CMKLR1: variants seen among roughly 807,000 people sequenced by gnomAD.
CMKLR1 encodes chemerin chemokine-like receptor 1.
In CMKLR1, 6 loss-of-function variants were observed where a neutral mutation model predicts 8.2. That is an observed-to-expected ratio of 0.73 (90% CI 0.40 to 1.44). CMKLR1 has a LOEUF of 1.44. CMKLR1 is among the 40% of genes most tolerant of loss of function. The pLI, the probability that CMKLR1 is intolerant of heterozygous loss-of-function variation, is 0.02. For missense variants in CMKLR1, 429 were observed against 478.0 expected, an observed-to-expected ratio of 0.90 and a Z score of 0.96; for synonymous variants, 178 against 181.2, an observed-to-expected ratio of 0.98 and a Z score of 0.14.
chr12:108,319,419 A>G (rs1005183570), intron 2 of CMKLR1, among the ~76,000 whole-genome samples: 2 of 152,186 alleles, frequency 1.3e-5, no homozygotes, highest in African/African-American at 4.8e-5. Context: ...GCCATGTTCA[A>G]TGTGTGATGG....
rs547983154 is a variant in CMKLR1 at position 108,304,723 on chromosome 12, G to T, written c.-73-11059C>A. ...TCTCCACCTCCTGCACACCGGTCAC[G>T]GGTCAGCCCTCCCCCTCTGACAGGC... On this transcript the variant is annotated intron_variant, in intron 2 of 3. Coordinates refer to ENST00000550402, the MANE Select transcript of CMKLR1 (RefSeq NM_001142343.2). Among the ~76,000 whole-genome samples, 3 of 152,200 alleles carry T rather than the reference G, an allele frequency of 2.0e-5. No individual in the cohort carries two copies. In the Middle Eastern group the frequency reaches 0.01, roughly 518 times the overall value.
intron 1 of CMKLR1, among the ~76,000 whole-genome samples, chr12:108,332,089 T>G (rs762145380): frequency 8.5e-5 from 13 of 152,144 alleles, no homozygotes; most frequent in Non-Finnish European, 1.2e-4. Context: ...GGCATTTGAG[T>G]GTCCCCTGCC....
chr12:108,307,713 G>A (rs1032376815), intron 2 of CMKLR1, among the ~76,000 whole-genome samples: 11 of 152,198 alleles, frequency 7.2e-5, no homozygotes, highest in Admixed American at 2.6e-4. Context: ...TCTGCAAAGC[G>A]TGTTTCACTT....
intron 1 of CMKLR1, among the ~76,000 whole-genome samples, chr12:108,332,313 A>G (rs570901435): frequency 6.6e-6 from 1 of 152,374 alleles, no homozygotes; most frequent in East Asian, 1.9e-4. Flanking sequence ...TGGGAGGCCA[A>G]GGCAGGTGAA....
chr12:108,315,543 G>A (rs546794718), intron 2 of CMKLR1, among the ~76,000 whole-genome samples: 5 of 152,224 alleles, frequency 3.3e-5, no homozygotes, highest in African/African-American at 1.2e-4. Flanking sequence ...CTAAGCACAC[G>A]TCCTGTGTCA....
At chr12:108,300,879 C>T (rs1891248818) in intron 2 of CMKLR1, among the ~76,000 whole-genome samples, 1 of 152,144 alleles carries the variant, frequency 6.6e-6, no homozygotes, top group Non-Finnish European at 1.5e-5. Flanking sequence ...TTTATCCCAT[C>T]TCGCCCAATC....
chr12:108,321,120 C>G (rs1891852060), intron 2 of CMKLR1, among the ~76,000 whole-genome samples: 1 of 152,178 alleles, frequency 6.6e-6, no homozygotes, highest in Non-Finnish European at 1.5e-5. Context: ...TGGGATCAGA[C>G]TGAAGCTAGT....
At chr12:108,325,085 G>A (rs573313232) in intron 2 of CMKLR1, among the ~76,000 whole-genome samples, 5 of 152,224 alleles carry the variant, frequency 3.3e-5, no homozygotes, top group South Asian at 2.1e-4. Context: ...CGGAGCAGCC[G>A]AGACAGGGCA....
intron 2 of CMKLR1, among the ~76,000 whole-genome samples, chr12:108,324,737 G>A (rs1046785764): frequency 6.6e-6 from 1 of 152,298 alleles, no homozygotes. Context: ...TTTCCCTAAG[G>A]GAAAGAGATC....
At chr12:108,293,378 G>A (rs149648019) in intron 3 of CMKLR1, among the ~76,000 whole-genome samples, 9 of 152,256 alleles carry the variant, frequency 5.9e-5, no homozygotes, top group Non-Finnish European at 1.0e-4. Flanking sequence ...AGAGCCTAGT[G>A]GGGGAGACAA....
intron 2 of CMKLR1, among the ~76,000 whole-genome samples, chr12:108,316,080 T>C (rs1891717965): frequency 6.6e-6 from 1 of 152,174 alleles, no homozygotes. Context: ...AAACAGTGCA[T>C]ACTTCATGGA....
intron 1 of CMKLR1, among the ~76,000 whole-genome samples, chr12:108,338,357 A>G (rs574667950): frequency 1.3e-5 from 2 of 152,362 alleles, no homozygotes; most frequent in African/African-American, 4.8e-5. Flanking sequence ...AAATAAGTTT[A>G]TAAAAGAGAA....
chr12:108,323,307 T>C (rs1891903298), intron 2 of CMKLR1, among the ~76,000 whole-genome samples: 1 of 152,132 alleles, frequency 6.6e-6, no homozygotes, highest in Admixed American at 6.6e-5. Flanking sequence ...CTTTATGAAA[T>C]GCTTACCTTG....
intron 1 of CMKLR1, among the ~76,000 whole-genome samples, chr12:108,337,732 A>G (rs189533138): frequency 4.4e-4 from 67 of 152,316 alleles, no homozygotes; most frequent in Admixed American, 1.3e-3. Flanking sequence ...CTGTGCATCA[A>G]GAGATAACTC....
intron 1 of CMKLR1, among the ~76,000 whole-genome samples, chr12:108,333,969 G>A (rs1892165788): frequency 6.6e-6 from 1 of 152,256 alleles, no homozygotes. Context: ...CAATAACAGG[G>A]GCTCCTCACT....
chr12:108,312,912 G>A (rs1253381138), intron 2 of CMKLR1, among the ~76,000 whole-genome samples: 4 of 152,100 alleles, frequency 2.6e-5, no homozygotes, highest in Non-Finnish European at 5.9e-5. Flanking sequence ...CCAGGGCAGG[G>A]AGTCTGTAGA....
At position 108,301,219 on chromosome 12, in the gene CMKLR1, G is replaced by T. The variant is rs1277205918; in HGVS notation, c.-73-7555C>A. Reference sequence around the variant, plus strand: ...GCCTCCCGAGTAGCTGGGACTACAGGCACATCCCACCACGCCCAGCTAACT... The same window carrying T: ...GCCTCCCGAGTAGCTGGGACTACAGTCACATCCCACCACGCCCAGCTAACT... On this transcript the variant is annotated intron_variant, in intron 2 of 3. Coordinates refer to ENST00000550402, the MANE Select transcript of CMKLR1 (RefSeq NM_001142343.2). 2.6e-5 allele frequency among the ~76,000 whole-genome samples: 4 copies of T among 151,884 alleles called. No homozygotes were observed. The East Asian group carries it at 5.8e-4, about 22-fold the overall frequency.
chr12:108,293,708 G>T, intron 2 of CMKLR1, 44 bp from the exon 3 acceptor site: 2 of 1,174,252 alleles, frequency 1.7e-6, no homozygotes, highest in Non-Finnish European at 2.4e-6. Flanking sequence ...TTGGATCCAG[G>T]TCTAAGAACC....
At chr12:108,316,546 C>A (rs10861891) in intron 2 of CMKLR1, among the ~76,000 whole-genome samples, 105,069 of 151,914 alleles carry the variant, frequency 0.69, 36,597 homozygotes, top group East Asian at 0.88. Context: ...GAAGAGAGAC[C>A]CAGAGGCAAG....
Sources: allele counts gnomAD v4.1 joint callset (sites outside exome capture counted in the v4.1 genomes callset), GRCh38; gene constraint gnomAD v4.1.1; transcripts MANE v1.5; gene names NCBI Gene and HGNC (gene_info 2026-07-23, HGNC 2026-07-21).